The following RALB variants were observed in gnomAD, a reference collection of about 807,000 sequenced individuals.
RALB encodes the protein ras-related protein Ral-B.
A neutral mutation model predicts 21.3 loss-of-function variants in RALB; 16 were observed. The ratio of observed to expected loss-of-function variants is 0.75; its 90% CI spans 0.51 to 1.14. RALB has a LOEUF of 1.14. RALB is among the 50% of genes most tolerant of loss of function. The pLI is 0.00. For missense variants in RALB, 161 were observed against 256.2 expected (o/e 0.63, Z 2.54); for synonymous variants, 93 against 96.1 (o/e 0.97, Z 0.19).
At chr2:120,268,361 G>T (rs1047277552) in intron 1 of RALB, among the ~76,000 whole-genome samples, 1 of 152,210 alleles carries the variant, frequency 6.6e-6, no homozygotes, top group Non-Finnish European at 1.5e-5. Context: ...TTAGTAGTCT[G>T]CTAGTAAATC....
At chr2:120,287,339 A>G (rs1192744917) in intron 3 of RALB, among the ~76,000 whole-genome samples, 2 of 152,250 alleles carry the variant, frequency 1.3e-5, no homozygotes, top group Non-Finnish European at 2.9e-5. Context: ...TTCTGGAAGC[A>G]GAGTGCGTGT....
At chr2:120,269,840 T>C (rs945349479) in intron 1 of RALB, among the ~76,000 whole-genome samples, 1 of 152,244 alleles carries the variant, frequency 6.6e-6, no homozygotes, top group Non-Finnish European at 1.5e-5. Flanking sequence ...TAGAATAAAT[T>C]CCTGGAAGAG....
At chr2:120,258,479 G>A (rs1002054829) in intron 1 of RALB, among the ~76,000 whole-genome samples, 13 of 152,182 alleles carry the variant, frequency 8.5e-5, no homozygotes, top group African/African-American at 2.2e-4. Flanking sequence ...AAAAGGCCAC[G>A]GAGGCCACGG....
At chr2:120,274,755 G>T (rs890460771) in intron 1 of RALB, among the ~76,000 whole-genome samples, 1 of 152,104 alleles carries the variant, frequency 6.6e-6, no homozygotes, top group Non-Finnish European at 1.5e-5. Context: ...TAAGCATTCA[G>T]AATGGTTCTT....
intron 3 of RALB, among the ~76,000 whole-genome samples, chr2:120,287,912 T>C (rs1297172421): frequency 6.6e-6 from 1 of 152,276 alleles, no homozygotes; most frequent in Non-Finnish European, 1.5e-5. Context: ...CAAGTCACTT[T>C]ACTTCATGTC....
At chr2:120,265,760 A>G (rs574142805) in intron 1 of RALB, among the ~76,000 whole-genome samples, 48 of 134,152 alleles carry the variant, frequency 3.6e-4, no homozygotes, top group South Asian at 1.5e-3. Flanking sequence ...TATGCAATAT[A>G]CTAGAGATGC....
chr2:120,252,774 G>A, upstream of RALB: 2 of 985,346 alleles, frequency 2.0e-6, no homozygotes, highest in Non-Finnish European at 2.4e-6. Flanking sequence ...TCCGAGGAGA[G>A]GGCAAGAACG....
At chr2:120,251,851 T>C (rs997057597), upstream of RALB, among the ~76,000 whole-genome samples, 1 of 152,236 alleles carries the variant, frequency 6.6e-6, no homozygotes, top group African/African-American at 2.4e-5. Context: ...AAAGCTTCTG[T>C]GCTTTTTGAT....
chr2:120,245,250 C>T (rs150119991), intron 1 of RALB, among the ~76,000 whole-genome samples: 14 of 152,266 alleles, frequency 9.2e-5, no homozygotes, highest in African/African-American at 3.1e-4. Flanking sequence ...ACAGGGAGCA[C>T]GGATATGGTT....
At chr2:120,255,840 GCCA>G (rs910859396) in intron 1 of RALB, among the ~76,000 whole-genome samples, 4 of 152,230 alleles carry the variant, frequency 2.6e-5, no homozygotes, top group African/African-American at 9.6e-5. Flanking sequence ...AAAGAAAAAT[GCCA>G]TTAATTGATA....
At position 120,279,997 on chromosome 2, in the gene RALB, G is replaced by A. The variant is rs1361922230; in HGVS notation, c.114+1219G>A. Among the ~76,000 whole-genome samples the A allele has an allele frequency of 2.0e-5, 3 of 152,184 alleles. No homozygotes were observed. The South Asian group carries it at 6.2e-4, about 32-fold the overall frequency. On this transcript the variant is annotated intron_variant, in intron 2 of 4. Transcript: ENST00000272519. ...ACGCGGCATGTGGCGATTATCGCTG[G>A]CTGCAGGAGTACTCCAACCGCCCAC...
At chr2:120,284,508 C>A (rs1487199091) in intron 2 of RALB, among the ~76,000 whole-genome samples, 1 of 152,098 alleles carries the variant, frequency 6.6e-6, no homozygotes, top group African/African-American at 2.4e-5. Context: ...AAGTGATTCT[C>A]CTGCCTCAGC....
chr2:120,283,553 A>G (rs757842058), intron 2 of RALB, among the ~76,000 whole-genome samples: 1 of 152,218 alleles, frequency 6.6e-6, no homozygotes, highest in African/African-American at 2.4e-5. Context: ...GACTTTGAGA[A>G]AAATTGGAGG....
chr2:120,285,852 C>T, intron 2 of RALB, 22 bp from the exon 3 acceptor site: 1 of 1,597,202 alleles, frequency 6.3e-7, no homozygotes. Context: ...TTGTTAATTA[C>T]CGATAATGTT....
chr2:120,260,284 C>T (rs976637034), intron 1 of RALB, among the ~76,000 whole-genome samples: 1 of 152,250 alleles, frequency 6.6e-6, no homozygotes, highest in Non-Finnish European at 1.5e-5. Context: ...CAAGCGAGGG[C>T]TCTGAGGATT....
chr2:120,285,773 C>T, intron 2 of RALB, 101 bp from the exon 3 acceptor site: 1 of 902,696 alleles, frequency 1.1e-6, no homozygotes. Context: ...TCTGTAGTGT[C>T]CTGTTCATAG....
intron 1 of RALB, among the ~76,000 whole-genome samples, chr2:120,262,038 A>G (rs1689378339): frequency 6.6e-6 from 1 of 152,208 alleles, no homozygotes; most frequent in Admixed American, 6.5e-5. Context: ...GGACATCCAC[A>G]TGCACAGATG....
intron 1 of RALB, among the ~76,000 whole-genome samples, chr2:120,271,381 G>T (rs1319113454): frequency 6.6e-6 from 1 of 152,128 alleles, no homozygotes; most frequent in Non-Finnish European, 1.5e-5. Flanking sequence ...CAGTGCTCTT[G>T]CCCCACTTTC....
At chr2:120,289,508 T>C (rs568292713) in intron 3 of RALB, 72 bp from the exon 4 acceptor site, 1 of 1,485,112 alleles carries the variant, frequency 6.7e-7, no homozygotes, top group East Asian at 2.3e-5. Context: ...CCTTTTATTT[T>C]AGATGGGTTC....
Sources: allele counts gnomAD v4.1 joint callset (sites outside exome capture counted in the v4.1 genomes callset), GRCh38; gene constraint gnomAD v4.1.1; transcripts MANE v1.5; gene names NCBI Gene and HGNC (gene_info 2026-07-23, HGNC 2026-07-21).